The following MGMT variants were observed in gnomAD, a reference collection of about 807,000 sequenced individuals.
MGMT encodes O-6-methylguanine-DNA methyltransferase, also known as methylated-DNA--protein-cysteine methyltransferase.
In MGMT, 14 loss-of-function variants were observed where a neutral mutation model predicts 15.9. The observed-to-expected ratio is 0.88, with a 90% CI of 0.58 to 1.37. The LOEUF (loss-of-function observed/expected upper bound fraction) is 1.37. MGMT is among the 40% of genes most tolerant of loss of function. The pLI, the probability that MGMT is intolerant of heterozygous loss-of-function variation, is 0.00. For missense variants in MGMT, 282 were observed against 268.1 expected, an observed-to-expected ratio of 1.05 and a Z score of -0.36; for synonymous variants, 130 against 118.2, an observed-to-expected ratio of 1.10 and a Z score of -0.65.
intron 2 of MGMT, among the ~76,000 whole-genome samples, chr10:129,543,765 G>C (rs1057111275): frequency 6.6e-6 from 1 of 152,110 alleles, no homozygotes; most frequent in Non-Finnish European, 1.5e-5. Flanking sequence ...GATGGCAAAC[G>C]TGTGTGCCTG....
chr10:129,511,620 A>T (rs71476167), intron 1 of MGMT, among the ~76,000 whole-genome samples: 1 of 152,220 alleles, frequency 6.6e-6, no homozygotes, highest in Non-Finnish European at 1.5e-5. Flanking sequence ...GTTTTGTTTA[A>T]CACAGCCATA....
At chr10:129,517,242 G>A (rs1434087567) in intron 1 of MGMT, among the ~76,000 whole-genome samples, 1 of 152,236 alleles carries the variant, frequency 6.6e-6, no homozygotes, top group Non-Finnish European at 1.5e-5. Flanking sequence ...CAGAGGTCCT[G>A]TGGTCCTCTT....
chr10:129,640,903 C>CT (rs1163815832), intron 2 of MGMT, among the ~76,000 whole-genome samples: 3 of 152,160 alleles, frequency 2.0e-5, no homozygotes, highest in African/African-American at 7.2e-5. Flanking sequence ...AAAAAGGAAT[C>CT]TATCAAATAC....
At chr10:129,620,524 A>G (rs983220421) in intron 2 of MGMT, among the ~76,000 whole-genome samples, 8 of 152,206 alleles carry the variant, frequency 5.3e-5, no homozygotes, top group African/African-American at 1.9e-4. Flanking sequence ...GTAGGTGCCT[A>G]ATCACATGAG....
intron 2 of MGMT, among the ~76,000 whole-genome samples, chr10:129,647,894 C>A (rs566491931): frequency 2.0e-5 from 3 of 152,132 alleles, no homozygotes; most frequent in Non-Finnish European, 4.4e-5. Context: ...ATAAAGCCTG[C>A]GAGTCTGTGA....
chr10:129,554,074 G>A (rs1464790106), intron 2 of MGMT, among the ~76,000 whole-genome samples: 1 of 152,226 alleles, frequency 6.6e-6, no homozygotes, highest in Non-Finnish European at 1.5e-5. Flanking sequence ...GCTGAAAGGT[G>A]GCGTGCTGCC....
chr10:129,675,631 A>G (rs1376255670), intron 2 of MGMT, among the ~76,000 whole-genome samples: 1 of 152,070 alleles, frequency 6.6e-6, no homozygotes, highest in Non-Finnish European at 1.5e-5. Context: ...CCAGGGAACC[A>G]GTGGGTCGGA....
At chr10:129,697,286 T>C (rs1270270440) in intron 2 of MGMT, among the ~76,000 whole-genome samples, 2 of 152,220 alleles carry the variant, frequency 1.3e-5, no homozygotes, top group Non-Finnish European at 2.9e-5. Flanking sequence ...GTAGAATATA[T>C]GCCATCAAGG....
chr10:129,667,481 A>G (rs1209210077), intron 2 of MGMT, among the ~76,000 whole-genome samples: 1 of 152,148 alleles, frequency 6.6e-6, no homozygotes, highest in African/African-American at 2.4e-5. Flanking sequence ...AGTGTCGTGT[A>G]GTGTCCCTTC....
At chr10:129,540,084 A>G (rs61673174) in intron 2 of MGMT, among the ~76,000 whole-genome samples, 25,349 of 152,084 alleles carry the variant, frequency 0.17, 2,253 homozygotes, top group East Asian at 0.31. Context: ...GGCAGCGTTG[A>G]GTGGTTTTTC....
chr10:129,628,572 G>C (rs1847176275), intron 2 of MGMT, among the ~76,000 whole-genome samples: 1 of 152,150 alleles, frequency 6.6e-6, no homozygotes, highest in African/African-American at 2.4e-5. Context: ...CCCCTGAACA[G>C]AATCATTTGG....
At chr10:129,681,819 C>G (rs1847856410) in intron 2 of MGMT, among the ~76,000 whole-genome samples, 1 of 152,158 alleles carries the variant, frequency 6.6e-6, no homozygotes, top group African/African-American at 2.4e-5. Context: ...CGAGGAACAA[C>G]TGTATTTGCA....
intron 1 of MGMT, 29 bp from the exon 2 acceptor site, chr10:129,536,212 A>G: frequency 6.2e-7 from 1 of 1,613,040 alleles, no homozygotes; most frequent in South Asian, 1.1e-5. Flanking sequence ...TTACCTATAC[A>G]CTTTGTCTTA....
intron 2 of MGMT, among the ~76,000 whole-genome samples, chr10:129,639,216 G>A (rs902270478): frequency 1.3e-5 from 2 of 152,084 alleles, no homozygotes; most frequent in Non-Finnish European, 2.9e-5. Flanking sequence ...TTAAAGGTAA[G>A]ATATCTGAAA....
intron 3 of MGMT, among the ~76,000 whole-genome samples, chr10:129,734,732 C>G (rs1263918096): frequency 6.6e-6 from 1 of 152,032 alleles, no homozygotes; most frequent in Non-Finnish European, 1.5e-5. Context: ...TGAGATACGT[C>G]CCATCAATAC....
chr10:129,557,198 A>G (rs984840842), intron 2 of MGMT, among the ~76,000 whole-genome samples: 3 of 152,230 alleles, frequency 2.0e-5, no homozygotes, highest in Non-Finnish European at 4.4e-5. Flanking sequence ...TCGAGGAAGC[A>G]AGAGGAACTA....
Position 129,474,236 on chromosome 10 carries a change from G to A in MGMT, c.-13+6940G>A, listed in dbSNP as rs536905589. On this transcript the variant is annotated intron_variant, in intron 1 of 4. Coordinates refer to ENST00000651593, the MANE Select transcript of MGMT (RefSeq NM_002412.5). ...GGGCCTTGGGAGTCTTGTGAGTGGG[G>A]AACACTAGCCTGTCAGTGCTTCCCA... is the stretch of plus-strand genomic sequence containing the variant. Among the ~76,000 whole-genome samples the A allele has an allele frequency of 7.2e-5, 11 of 152,320 alleles. 1 individual carries two copies. The South Asian group carries it at 2.3e-3, about 32-fold the overall frequency.
chr10:129,680,109 C>T lies in MGMT; in HGVS notation c.126-27786C>T, dbSNP rs1388410945. Among the ~76,000 whole-genome samples the T allele has an allele frequency of 3.3e-5, 5 of 152,318 alleles. No individual in the cohort carries two copies. In the South Asian group the frequency reaches 1.0e-3, roughly 32 times the overall value. Reference sequence around the variant, plus strand: ...AGTCGCAGACCCCATACATTCCTCTCGTTCATATCCTATCGATTTGTGACA... The same window carrying T: ...AGTCGCAGACCCCATACATTCCTCTTGTTCATATCCTATCGATTTGTGACA... On this transcript the variant is annotated intron_variant, in intron 2 of 4. Coordinates refer to ENST00000651593, the MANE Select transcript of MGMT (RefSeq NM_002412.5).
chr10:129,704,835 T>C (rs1848141188), intron 2 of MGMT, among the ~76,000 whole-genome samples: 1 of 151,936 alleles, frequency 6.6e-6, no homozygotes. Flanking sequence ...CACAAAATGC[T>C]CCAGCCCAGA....
Sources: gnomAD v4.1 joint callset for allele counts (sites outside exome capture counted in the v4.1 genomes callset) on GRCh38, gnomAD v4.1.1 for gene constraint, MANE v1.5 for transcripts, NCBI Gene and HGNC (gene_info 2026-07-23, HGNC 2026-07-21) for gene names.